The following NECAB1 variants were observed in gnomAD, a reference collection of about 807,000 sequenced individuals.
The protein encoded by NECAB1 is N-terminal EF-hand calcium-binding protein 1.
Under a neutral mutation model 57.5 loss-of-function variants are expected in NECAB1, and 29 were observed. That is an observed-to-expected ratio of 0.50 (90% CI 0.38 to 0.69). The LOEUF is 0.69. Among genes scored for constraint, NECAB1 ranks in the 30% least tolerant of loss-of-function variants. The probability of loss-of-function intolerance (pLI) is 0.00; values close to 1 mark genes in which losing one functional copy is unlikely to be tolerated. For missense variants in NECAB1, 372 were observed against 413.8 expected, an observed-to-expected ratio of 0.90 and a Z score of 0.88; for synonymous variants, 142 against 147.7, an observed-to-expected ratio of 0.96 and a Z score of 0.28.
intron 12 of NECAB1, among the ~76,000 whole-genome samples, chr8:90,953,886 G>A (rs1810965314): frequency 6.6e-6 from 1 of 151,902 alleles, no homozygotes; most frequent in Non-Finnish European, 1.5e-5. Context: ...GGCCAATATG[G>A]TGAAATCCTC....
intron 4 of NECAB1, among the ~76,000 whole-genome samples, chr8:90,874,740 T>C (rs1292529301): frequency 6.6e-6 from 1 of 152,194 alleles, no homozygotes; most frequent in Non-Finnish European, 1.5e-5. Context: ...AATCCAACCT[T>C]CCATGGGAAA....
chr8:90,904,169 C>A (rs1809577467), intron 5 of NECAB1, among the ~76,000 whole-genome samples: 1 of 151,894 alleles, frequency 6.6e-6, no homozygotes, highest in Admixed American at 6.6e-5. Context: ...ATGATGGTGC[C>A]CCCAGATACT....
intron 2 of NECAB1, among the ~76,000 whole-genome samples, chr8:90,805,381 GAT>G (rs754317325): frequency 7.4e-6 from 1 of 135,358 alleles, no homozygotes; most frequent in Non-Finnish European, 1.6e-5. Flanking sequence ...CCAGAGGACA[GAT>G]TTAGCTTTTG....
chr8:90,895,490 C>T (rs1354350952), intron 5 of NECAB1, among the ~76,000 whole-genome samples: 1 of 152,190 alleles, frequency 6.6e-6, no homozygotes. Flanking sequence ...CAAAAAGCAC[C>T]TACTGTGTTC....
intron 3 of NECAB1, among the ~76,000 whole-genome samples, chr8:90,854,215 C>G (rs895614204): frequency 4.6e-5 from 7 of 152,106 alleles, no homozygotes; most frequent in African/African-American, 1.7e-4. Flanking sequence ...TTAGTCCCCC[C>G]TTTCTATTAT....
In NECAB1 at chr8:90,958,883, GAA is replaced by G. The variant is rs1811081111; in HGVS notation, c.*3372_*3373del. 1 of 595,628 alleles carries G rather than the reference GAA, an allele frequency of 1.7e-6. No individual in the cohort carries two copies. Among genetic ancestry groups the G allele is most frequent in the Admixed American group, 4.0e-5 (1 of 25,004 alleles). 36.9% of individuals were successfully genotyped at this position (595,628 alleles called of 1,614,324 possible). On this transcript the variant is annotated 3_prime_UTR_variant, in exon 13 of 13. Coordinates refer to ENST00000417640, the MANE Select transcript of NECAB1 (RefSeq NM_022351.5). ...AAAATAGCTCTTTCTCATTTTTAGA[GAA>G]GTCAAATAGCCAACCATCAAAATTA...
chr8:90,865,374 A>G (rs1228449120), intron 3 of NECAB1, among the ~76,000 whole-genome samples: 1 of 152,142 alleles, frequency 6.6e-6, no homozygotes, highest in Non-Finnish European at 1.5e-5. Flanking sequence ...TAGACTCCTG[A>G]TAGAGGGGTG....
intron 5 of NECAB1, among the ~76,000 whole-genome samples, chr8:90,884,860 G>A (rs76845513): frequency 0.019 from 2,927 of 152,230 alleles, 78 homozygotes; most frequent in East Asian, 0.14. Context: ...TAGGACAGAA[G>A]CCCTGAGTCA....
At chr8:90,846,089 C>T (rs888081500) in intron 3 of NECAB1, among the ~76,000 whole-genome samples, 1 of 152,116 alleles carries the variant, frequency 6.6e-6, no homozygotes, top group Non-Finnish European at 1.5e-5. Flanking sequence ...CAAATGATAC[C>T]TAATTACCTT....
rs1586144930 is a variant in NECAB1 at position 90,940,968 on chromosome 8, T to C, written c.860+70T>C. 7.0e-6 allele frequency: 8 copies of C among 1,142,828 alleles called. No individual in the cohort carries two copies. The East Asian group carries it at 2.1e-4, about 29-fold the overall frequency. 70.8% of individuals were successfully genotyped at this position (1,142,828 alleles called of 1,614,324 possible). On this transcript the variant is annotated intron_variant, in intron 10 of 12. Coordinates refer to ENST00000417640, the MANE Select transcript of NECAB1 (RefSeq NM_022351.5). ...AATACAGTGAAGGCATTTCTTACTT[T>C]AGACAAGGCTGGGGGTCTAGAAGAC... is the stretch of plus-strand genomic sequence containing the variant.
chr8:90,898,492 C>T (rs1241998743), intron 5 of NECAB1, among the ~76,000 whole-genome samples: 1 of 152,200 alleles, frequency 6.6e-6, no homozygotes, highest in Non-Finnish European at 1.5e-5. Context: ...AACTGACAGT[C>T]TCCAGAAGGC....
chr8:90,926,655 A>G (rs763689720), intron 7 of NECAB1, among the ~76,000 whole-genome samples: 1 of 152,164 alleles, frequency 6.6e-6, no homozygotes, highest in Non-Finnish European at 1.5e-5. Context: ...CCCACTCCTC[A>G]TGTAGCCTCC....
chr8:90,896,841 G>A (rs1809357323), intron 5 of NECAB1, among the ~76,000 whole-genome samples: 1 of 151,920 alleles, frequency 6.6e-6, no homozygotes. Flanking sequence ...CTGATTACCT[G>A]CTACCTGCTC....
chr8:90,799,633 T>A (rs905187503), intron 1 of NECAB1, among the ~76,000 whole-genome samples: 2 of 152,224 alleles, frequency 1.3e-5, no homozygotes, highest in African/African-American at 2.4e-5. Context: ...TACAGCTTTA[T>A]TGCTGGGTTC....
intron 3 of NECAB1, among the ~76,000 whole-genome samples, chr8:90,841,652 A>C (rs2129745856): frequency 6.6e-6 from 1 of 152,284 alleles, no homozygotes; most frequent in Non-Finnish European, 1.5e-5. Context: ...GGTTTACTTC[A>C]GCAACAGTGA....
rs111807011 is a variant in NECAB1 at position 90,841,943 on chromosome 8, C to A, written c.233+17118C>A. On this transcript the variant is annotated intron_variant, in intron 3 of 12. Transcript: ENST00000417640. The stretch of plus-strand genomic sequence containing the variant: ...AGCAAACTAACACAGGAACAGAAAA[C>A]CAAATACTGCATGTTCTCATTTATA... Among the ~76,000 whole-genome samples, 58 of 152,216 alleles carry A rather than the reference C, an allele frequency of 3.8e-4. 1 individual carries two copies. Among genetic ancestry groups the A allele is most frequent in the African/African-American group, 1.3e-3 (56 of 41,530 alleles).
intron 6 of NECAB1, among the ~76,000 whole-genome samples, chr8:90,921,845 T>G (rs1469660509): frequency 3.3e-5 from 5 of 152,218 alleles, no homozygotes; most frequent in African/African-American, 1.2e-4. Flanking sequence ...AAGTCATCTA[T>G]TCCATCTATC....
chr8:90,907,141 TGTGTGTGTGTGA>T (rs759398852), intron 5 of NECAB1, among the ~76,000 whole-genome samples: 7,584 of 126,244 alleles, frequency 0.06, 237 homozygotes, highest in African/African-American at 0.13. Context: ...TGTGTGTGTG[TGTGTGTGTGTGA>T]GAGAGAGAGA....
At chr8:90,917,354 A>G (rs2130117889) in intron 5 of NECAB1, 138 bp from the exon 6 acceptor site, 1 of 648,352 alleles carries the variant, frequency 1.5e-6, no homozygotes, top group Admixed American at 3.5e-5. Context: ...CCAGGGCTCG[A>G]CAGATCTTTT....
Sources: gnomAD v4.1 joint callset for allele counts (sites outside exome capture counted in the v4.1 genomes callset) on GRCh38, gnomAD v4.1.1 for gene constraint, MANE v1.5 for transcripts, NCBI Gene and HGNC (gene_info 2026-07-23, HGNC 2026-07-21) for gene names.